Variants in ARNT2 observed in about 807,000 individuals in gnomAD.
ARNT2 encodes the protein ARNT protein 2.
Under a neutral mutation model 91.7 loss-of-function variants are expected in ARNT2, and 36 were observed. That is an observed-to-expected ratio of 0.39 (90% CI 0.30 to 0.52). ARNT2 has a LOEUF of 0.52. Ranked by LOEUF, ARNT2 falls within the 20% of genes least tolerant of loss-of-function variation. The probability of loss-of-function intolerance (pLI) is 0.72; values close to 1 mark genes in which losing one functional copy is unlikely to be tolerated. For missense variants in ARNT2, 775 were observed against 939.3 expected, an observed-to-expected ratio of 0.83 and a Z score of 2.29; for synonymous variants, 365 against 347.1, an observed-to-expected ratio of 1.05 and a Z score of -0.57.
intron 6 of ARNT2, among the ~76,000 whole-genome samples, chr15:80,512,958 C>T (rs1897366682): frequency 6.6e-6 from 1 of 152,182 alleles, no homozygotes; most frequent in Admixed American, 6.5e-5. Flanking sequence ...GCACTGGGCA[C>T]AGTCAGCCAG....
chr15:80,542,423 C>T (rs1362695940), intron 8 of ARNT2, among the ~76,000 whole-genome samples: 1 of 152,130 alleles, frequency 6.6e-6, no homozygotes, highest in African/African-American at 2.4e-5. Context: ...TTGCATAAAA[C>T]CACCACTATT....
intron 13 of ARNT2, among the ~76,000 whole-genome samples, chr15:80,574,603 A>G (rs528974715): frequency 4.6e-5 from 7 of 152,106 alleles, no homozygotes; most frequent in East Asian, 1.9e-4. Context: ...TTCTTCCTCA[A>G]TGTGCCTCTT....
intron 12 of ARNT2, among the ~76,000 whole-genome samples, chr15:80,566,015 G>A (rs1270133152): frequency 6.6e-6 from 1 of 152,190 alleles, no homozygotes; most frequent in Non-Finnish European, 1.5e-5. Flanking sequence ...TACTGGCCCA[G>A]AAGCATAGAA....
intron 3 of ARNT2, among the ~76,000 whole-genome samples, chr15:80,465,063 G>A (rs975168569): frequency 2.0e-5 from 3 of 152,200 alleles, no homozygotes; most frequent in Admixed American, 1.3e-4. Context: ...AGGGGAAGAC[G>A]GGGATTGATG....
In ARNT2 at chr15:80,499,957, G is replaced by A. The variant is rs74375844; in HGVS notation, c.623-8199G>A. Among the ~76,000 whole-genome samples, 608 of 152,286 alleles carry A rather than the reference G, an allele frequency of 4.0e-3. 3 individuals carry two copies. Among genetic ancestry groups the A allele is most frequent in the Non-Finnish European group, 7.2e-3 (491 of 68,026 alleles). On this transcript the variant is annotated intron_variant, in intron 5 of 18. Coordinates refer to ENST00000303329, the MANE Select transcript of ARNT2 (RefSeq NM_014862.4). ...TGCCCATTCAGAGCTCCCTCTTCTC[G>A]TTTGGGAAGAAAATGGTTTGGCTGC...
intron 8 of ARNT2, among the ~76,000 whole-genome samples, chr15:80,539,461 A>G (rs1261217831): frequency 6.6e-6 from 1 of 152,294 alleles, no homozygotes; most frequent in African/African-American, 2.4e-5. Flanking sequence ...ACATAGATGA[A>G]ACACACACTT....
rs147192877 is a variant in ARNT2 at position 80,586,977 on chromosome 15, C to T, written c.1919-4591C>T. ...GGATTTTGCTGATCTGAAATGTTTGCAGACACCATGCACCCTCTTCCTCCC... is the reference window on the plus strand; with the variant it reads ...GGATTTTGCTGATCTGAAATGTTTGTAGACACCATGCACCCTCTTCCTCCC... On this transcript the variant is annotated intron_variant, in intron 17 of 18. Coordinates refer to ENST00000303329, the MANE Select transcript of ARNT2 (RefSeq NM_014862.4). Among the ~76,000 whole-genome samples the T allele has an allele frequency of 2.0e-3, 306 of 152,260 alleles. 2 individuals are homozygous for T. The highest frequency in any genetic ancestry group is 6.1e-3 in the African/African-American group (252 of 41,534).
chr15:80,546,745 A>C (rs2141453117), intron 8 of ARNT2, among the ~76,000 whole-genome samples: 1 of 152,262 alleles, frequency 6.6e-6, no homozygotes, highest in African/African-American at 2.4e-5. Flanking sequence ...CAGGTGGATC[A>C]TGAGGCCAGG....
chr15:80,493,516 C>A (rs1171271170), intron 5 of ARNT2, among the ~76,000 whole-genome samples: 2 of 152,186 alleles, frequency 1.3e-5, no homozygotes, highest in Non-Finnish European at 2.9e-5. Context: ...CAGGCTGTGG[C>A]AGCTTTTCTT....
chr15:80,467,591 G>GA (rs1896674232), intron 3 of ARNT2, among the ~76,000 whole-genome samples: 1 of 152,220 alleles, frequency 6.6e-6, no homozygotes. Context: ...TGCAGCCCTG[G>GA]ACCTAACTCA....
chr15:80,477,468 C>T (rs190510559), intron 5 of ARNT2, among the ~76,000 whole-genome samples: 4 of 152,274 alleles, frequency 2.6e-5, no homozygotes, highest in Admixed American at 2.0e-4. Flanking sequence ...TTTCAGCGTA[C>T]GAATTTGGGG....
At chr15:80,461,856 G>A (rs12916797) in intron 3 of ARNT2, among the ~76,000 whole-genome samples, 47,993 of 152,062 alleles carry the variant, frequency 0.32, 8,999 homozygotes, top group East Asian at 0.56. Context: ...CACTGGGAAT[G>A]CTTGGCTTGA....
At chr15:80,538,738 G>T (rs1325404930) in intron 8 of ARNT2, among the ~76,000 whole-genome samples, 2 of 151,848 alleles carry the variant, frequency 1.3e-5, no homozygotes, top group Non-Finnish European at 2.9e-5. Flanking sequence ...ATTAATAAAA[G>T]AAGTAAAAAT....
intron 11 of ARNT2, among the ~76,000 whole-genome samples, chr15:80,558,591 C>T (rs1049068610): frequency 5.3e-5 from 8 of 152,050 alleles, no homozygotes; most frequent in Non-Finnish European, 1.2e-4. Flanking sequence ...CCGCCTGCCT[C>T]GGCCTCCCAA....
At chr15:80,448,901 C>T (rs1021848424) in intron 1 of ARNT2, among the ~76,000 whole-genome samples, 4 of 152,128 alleles carry the variant, frequency 2.6e-5, no homozygotes, top group African/African-American at 4.8e-5. Flanking sequence ...AGGAGAATGG[C>T]GTGAACCCGG....
chr15:80,502,620 C>G (rs1467846433), intron 5 of ARNT2, among the ~76,000 whole-genome samples: 8 of 152,128 alleles, frequency 5.3e-5, no homozygotes, highest in Non-Finnish European at 4.4e-5. Context: ...ACCTTTGACC[C>G]CATGCCATGT....
rs1373673350 is a variant in ARNT2, at chr15:80,576,849, T to G, written c.1514-17T>G. On this transcript the variant is annotated splice_polypyrimidine_tract_variant and intron_variant, in intron 14 of 18. Coordinates refer to ENST00000303329, the MANE Select transcript of ARNT2 (RefSeq NM_014862.4). ...GCAGGGAACCTTCGCATGTGACTCC[T>G]GCTCTGGTTTTCCTAGCGGAGAAGA... 4 of 1,613,704 alleles carry G rather than the reference T, an allele frequency of 2.5e-6. No homozygotes were observed. Among genetic ancestry groups the G allele is most frequent in the Non-Finnish European group, 3.4e-6 (4 of 1,179,910 alleles).
chr15:80,463,469 A>G (rs1477877777), intron 3 of ARNT2, among the ~76,000 whole-genome samples: 1 of 152,028 alleles, frequency 6.6e-6, no homozygotes, highest in Non-Finnish European at 1.5e-5. Context: ...AAGTTGCTTC[A>G]GTGGGTTAGG....
chr15:80,593,057 A>T (rs1893308802), intron 18 of ARNT2, among the ~76,000 whole-genome samples: 1 of 152,240 alleles, frequency 6.6e-6, no homozygotes, highest in Non-Finnish European at 1.5e-5. Flanking sequence ...TGGCTGTAAG[A>T]AACTAAAATA....
Sources: gnomAD v4.1 joint callset for allele counts (sites outside exome capture counted in the v4.1 genomes callset) on GRCh38, gnomAD v4.1.1 for gene constraint, MANE v1.5 for transcripts, NCBI Gene and HGNC (gene_info 2026-07-23, HGNC 2026-07-21) for gene names.